CD226: variants seen among roughly 807,000 people sequenced by gnomAD.
CD226 encodes CD226 molecule, also known as CD226 antigen.
A neutral mutation model predicts 34.9 loss-of-function variants in CD226; 24 were observed. That is an observed-to-expected ratio of 0.69 (90% CI 0.50 to 0.97). The LOEUF is 0.97. Ranked by LOEUF, CD226 falls within the 50% of genes least tolerant of loss-of-function variation. The pLI, the probability that CD226 is intolerant of heterozygous loss-of-function variation, is 0.00. For synonymous variants in CD226, 148 were observed against 147.4 expected, an observed-to-expected ratio of 1.00 and a Z score of -0.03; for missense variants, 397 against 412.7, an observed-to-expected ratio of 0.96 and a Z score of 0.33.
upstream of CD226, among the ~76,000 whole-genome samples, chr18:69,952,264 A>C (rs988095144): frequency 6.6e-6 from 1 of 152,226 alleles, no homozygotes; most frequent in Non-Finnish European, 1.5e-5. Context: ...TGGACACTGG[A>C]GACTTGGAAG....
chr18:69,948,074 G>A (rs190059761), upstream of CD226, among the ~76,000 whole-genome samples: 2 of 152,298 alleles, frequency 1.3e-5, no homozygotes, highest in Admixed American at 1.3e-4. Flanking sequence ...CTACCATTAT[G>A]AGAGATTTAA....
intron 3 of CD226, among the ~76,000 whole-genome samples, chr18:69,885,886 T>C (rs1984529405): frequency 1.3e-5 from 2 of 152,048 alleles, no homozygotes; most frequent in African/African-American, 4.8e-5. Flanking sequence ...CAGCGAAGGA[T>C]CCCGAGCTGA....
At chr18:69,894,987 G>A (rs1985183109) in intron 3 of CD226, among the ~76,000 whole-genome samples, 2 of 152,132 alleles carry the variant, frequency 1.3e-5, no homozygotes, top group African/African-American at 4.8e-5. Flanking sequence ...GGAGGCCTTG[G>A]AGGAGGTGGA....
chr18:69,903,115 T>C (rs2055208328), intron 2 of CD226, among the ~76,000 whole-genome samples: 1 of 152,110 alleles, frequency 6.6e-6, no homozygotes, highest in South Asian at 2.1e-4. Flanking sequence ...TTGAAGCTCA[T>C]AGGGCATGCA....
At chr18:69,931,539 T>C (rs537360917) in intron 2 of CD226, among the ~76,000 whole-genome samples, 1 of 152,206 alleles carries the variant, frequency 6.6e-6, no homozygotes, top group South Asian at 2.1e-4. Flanking sequence ...CTGGGAAAGA[T>C]GGAGGTGTGT....
At chr18:69,933,697 A>G (rs1448505553) in intron 2 of CD226, among the ~76,000 whole-genome samples, 1 of 152,234 alleles carries the variant, frequency 6.6e-6, no homozygotes, top group Admixed American at 6.5e-5. Context: ...CCTTCATCCA[A>G]TAAAGCAGAT....
At chr18:69,921,077 T>C (rs559524873) in intron 2 of CD226, among the ~76,000 whole-genome samples, 10 of 152,296 alleles carry the variant, frequency 6.6e-5, no homozygotes, top group African/African-American at 2.4e-4. Flanking sequence ...ATGTTTCCTC[T>C]GGGAGGGCAA....
chr18:69,899,324 C>A (rs1031418887), intron 2 of CD226, among the ~76,000 whole-genome samples: 1 of 152,214 alleles, frequency 6.6e-6, no homozygotes, highest in Non-Finnish European at 1.5e-5. Flanking sequence ...AGCAGCTCTG[C>A]AAAATCCTTC....
chr18:69,912,606 A>G (rs1180257407), intron 2 of CD226, among the ~76,000 whole-genome samples: 6 of 152,232 alleles, frequency 3.9e-5, no homozygotes, highest in Non-Finnish European at 7.3e-5. Flanking sequence ...TGATTTGCTC[A>G]GGGATTTGGC....
At chr18:69,943,647 C>T (rs1447977759) in intron 2 of CD226, among the ~76,000 whole-genome samples, 1 of 152,170 alleles carries the variant, frequency 6.6e-6, no homozygotes, top group Non-Finnish European at 1.5e-5. Flanking sequence ...CTGGTGGGTT[C>T]CCATGTCCCC....
rs751694804 is a variant in CD226, at chr18:69,947,026, G to A, written c.90C>T (p.Ala30=). 6.8e-6 allele frequency: 11 copies of A among 1,613,930 alleles called. No individual in the cohort carries two copies. Among genetic ancestry groups the A allele is most frequent in the African/African-American group, 2.7e-5 (2 of 74,862 alleles). ...ACACACATTCTAGAGACATGTTCTC[G>A]GCAAAGGGAACTGATGTATGCCAAA... ...EVLWHTSVPF[A]ENMSLECVYP... The change falls in exon 2 of 6, where the codon GCC becomes GCT. Residue 30 remains alanine (A), a synonymous_variant. Coordinates refer to ENST00000582621, the MANE Select transcript of CD226 (RefSeq NM_001303618.2).
At position 69,946,956 on chromosome 18, in the gene CD226, C is replaced by A; in HGVS notation, c.160G>T (p.Gly54Trp). ...ILTQVEWFKI[G>W]TQQDSIAIFS... The stretch of plus-strand genomic sequence containing the variant: ...ATGGCTATGGAATCCTGCTGGGTCC[C>A]GATCTTGAACCACTCCACCTGTGTT... The change falls in exon 2 of 6, where the codon GGG becomes TGG. Residue 54 changes from glycine (G) to tryptophan (W), a missense_variant. Coordinates refer to ENST00000582621, the MANE Select transcript of CD226 (RefSeq NM_001303618.2). 1 of 1,614,164 alleles carries A rather than the reference C, an allele frequency of 6.2e-7. No homozygotes were observed. Among genetic ancestry groups the A allele is most frequent in the Non-Finnish European group, 8.5e-7 (1 of 1,180,014 alleles).
Position 69,946,978 on chromosome 18 carries a change from T to A in CD226, c.138A>T (p.Thr46=). ...ECVYPSMGIL[T]QVEWFKIGTQ... ...TCCCGATCTTGAACCACTCCACCTG[T>A]GTTAAGATGCCCATTGATGGATACA... is the stretch of plus-strand genomic sequence containing the variant. Residue 46 remains threonine, a synonymous_variant, in exon 2 of 6, where the codon ACA becomes ACT. Transcript: ENST00000582621. 6.2e-7 allele frequency: 1 copy of A among 1,614,206 alleles called. No homozygotes were observed. The highest frequency in any genetic ancestry group is 8.5e-7 in the Non-Finnish European group (1 of 1,180,002).
chr18:69,916,337 T>C (rs776754716), intron 2 of CD226, among the ~76,000 whole-genome samples: 4 of 152,176 alleles, frequency 2.6e-5, no homozygotes, highest in African/African-American at 7.2e-5. Context: ...GCTCTAGTCC[T>C]AAAGAATAAT....
Position 69,858,472 on chromosome 18 carries a change from T to C in CD226, c.*5842A>G, listed in dbSNP as rs1982674946. The C allele has an allele frequency of 6.6e-6, 1 of 152,030 alleles. No homozygotes were observed. Among genetic ancestry groups the C allele is most frequent in the Non-Finnish European group, 1.5e-5 (1 of 68,014 alleles). The allele number at this position is 152,030 out of a possible 1,614,324, so 9.4% of individuals were successfully genotyped here. ...TCCAGATATATTTAAGAGACACTGA[T>C]TTTGGAATAAGTCAGTGAATAAAAA... On this transcript the variant is annotated 3_prime_UTR_variant, in exon 6 of 6. Transcript: ENST00000582621.
intron 2 of CD226, 103 bp downstream of exon 2, chr18:69,946,631 A>T: frequency 1.3e-6 from 1 of 773,580 alleles, no homozygotes. Flanking sequence ...AGAATGCCAC[A>T]GAAATACGAG....
At position 69,881,702 on chromosome 18, in the gene CD226, G is replaced by A. The variant is rs532883141; in HGVS notation, c.728-8456C>T. Among the ~76,000 whole-genome samples the A allele has an allele frequency of 7.2e-5, 11 of 152,238 alleles. No individual in the cohort carries two copies. The South Asian group carries it at 1.0e-3, about 14-fold the overall frequency. On this transcript the variant is annotated intron_variant, in intron 3 of 5. Transcript: ENST00000582621. ...CATGTTGAGATGTCACATTGAAGTA[G>A]TCGTGTACAGCAGAGCATGCTTGCT...
chr18:69,904,070 C>A (rs1163881063), intron 2 of CD226, among the ~76,000 whole-genome samples: 1 of 151,890 alleles, frequency 6.6e-6, no homozygotes, highest in Non-Finnish European at 1.5e-5. Context: ...AGGTAAAGGA[C>A]CAAACAAGAT....
At chr18:69,954,601 C>T (rs1210898603) in intron 1 of CD226, among the ~76,000 whole-genome samples, 1 of 151,858 alleles carries the variant, frequency 6.6e-6, no homozygotes, top group African/African-American at 2.4e-5. Context: ...TGAACTTCCT[C>T]ACCCAGGATA....
Sources: allele counts gnomAD v4.1 joint callset (sites outside exome capture counted in the v4.1 genomes callset), GRCh38; gene constraint gnomAD v4.1.1; transcripts MANE v1.5; gene names NCBI Gene and HGNC (gene_info 2026-07-23, HGNC 2026-07-21).